VAV3: variants seen among roughly 807,000 people sequenced by gnomAD.
VAV3 encodes the protein vav guanine nucleotide exchange factor 3.
Under a neutral mutation model 131.2 loss-of-function variants are expected in VAV3, and 94 were observed. The observed-to-expected ratio is 0.72, with a 90% CI of 0.61 to 0.85. VAV3 has a LOEUF of 0.85. Among genes scored for constraint, VAV3 ranks in the 40% least tolerant of loss-of-function variants. VAV3 has a pLI of 0.00. For synonymous variants in VAV3, 349 were observed against 342.0 expected (o/e 1.02, Z -0.22); for missense variants, 939 against 1,002.7 (o/e 0.94, Z 0.86).
intron 2 of VAV3, among the ~76,000 whole-genome samples, chr1:107,860,766 T>G (rs1669701279): frequency 6.6e-6 from 1 of 151,634 alleles, no homozygotes; most frequent in Non-Finnish European, 1.5e-5. Context: ...CACAGTGGCG[T>G]GCACTTGCAG....
intron 2 of VAV3, among the ~76,000 whole-genome samples, chr1:107,866,461 A>G (rs1669990818): frequency 6.6e-6 from 1 of 152,178 alleles, no homozygotes; most frequent in Admixed American, 6.6e-5. Context: ...CACCTAGAAG[A>G]CAATTTCAAT....
At chr1:107,916,480 C>T (rs1442366189) in intron 1 of VAV3, among the ~76,000 whole-genome samples, 1 of 152,076 alleles carries the variant, frequency 6.6e-6, no homozygotes, top group Non-Finnish European at 1.5e-5. Flanking sequence ...CTAAAGTTAA[C>T]TAATATTTGA....
chr1:107,668,997 G>C (rs1271923533), intron 19 of VAV3: 2 of 998,978 alleles, frequency 2.0e-6, no homozygotes, highest in Non-Finnish European at 2.4e-6. Flanking sequence ...ATTTCTAAGG[G>C]AGTCAGCGCT....
At chr1:107,598,801 TACACAC>T (rs35317053) in intron 24 of VAV3, among the ~76,000 whole-genome samples, 9 of 149,864 alleles carry the variant, frequency 6.0e-5, no homozygotes, top group Admixed American at 5.3e-4. Flanking sequence ...GTCTCTGGAA[TACACAC>T]ACACACACAC....
chr1:107,823,641 C>A (rs1160935919), intron 2 of VAV3, among the ~76,000 whole-genome samples: 1 of 152,168 alleles, frequency 6.6e-6, no homozygotes, highest in Non-Finnish European at 1.5e-5. Flanking sequence ...TGTTAATGGA[C>A]CAAATGTTTG....
At chr1:107,724,715 C>T (rs1234360968) in intron 15 of VAV3, among the ~76,000 whole-genome samples, 2 of 151,730 alleles carry the variant, frequency 1.3e-5, no homozygotes, top group Non-Finnish European at 2.9e-5. Context: ...CAGCAGAGAA[C>T]AGATCCCGAG....
chr1:107,796,098 T>A (rs1666524420), intron 2 of VAV3, among the ~76,000 whole-genome samples: 1 of 151,878 alleles, frequency 6.6e-6, no homozygotes, highest in Non-Finnish European at 1.5e-5. Context: ...GTCCCTAGTA[T>A]CAAACAGTAT....
At chr1:107,759,625 T>C (rs1664306309) in intron 10 of VAV3, among the ~76,000 whole-genome samples, 1 of 152,188 alleles carries the variant, frequency 6.6e-6, no homozygotes, top group Non-Finnish European at 1.5e-5. Flanking sequence ...AAAGTCATCA[T>C]GGAACTAAAC....
chr1:107,819,619 G>A (rs1393701553), intron 2 of VAV3, among the ~76,000 whole-genome samples: 1 of 151,960 alleles, frequency 6.6e-6, no homozygotes, highest in Non-Finnish European at 1.5e-5. Context: ...TTTCAAAAAA[G>A]TGAAAATATA....
At chr1:107,778,167 T>C (rs1665471438) in intron 3 of VAV3, among the ~76,000 whole-genome samples, 1 of 152,232 alleles carries the variant, frequency 6.6e-6, no homozygotes, top group Non-Finnish European at 1.5e-5. Context: ...ACTAGTTATA[T>C]TAAAAGCAGA....
intron 1 of VAV3, among the ~76,000 whole-genome samples, chr1:107,936,439 T>C (rs1311076164): frequency 1.3e-5 from 2 of 152,162 alleles, no homozygotes; most frequent in Non-Finnish European, 2.9e-5. Context: ...AAATCTAAAA[T>C]CAAACACTAA....
At chr1:107,601,771 G>A (rs1330599411) in intron 24 of VAV3, among the ~76,000 whole-genome samples, 2 of 136,448 alleles carry the variant, frequency 1.5e-5, no homozygotes, top group Non-Finnish European at 3.3e-5. Context: ...GTATGAATAA[G>A]TTCTATTTTT....
intron 1 of VAV3, among the ~76,000 whole-genome samples, chr1:107,949,576 G>T (rs923794224): frequency 9.2e-5 from 14 of 152,074 alleles, no homozygotes; most frequent in African/African-American, 3.4e-4. Context: ...CAAAATGCTG[G>T]GATTATAGGC....
chr1:107,723,901 G>A (rs557610489), intron 15 of VAV3, among the ~76,000 whole-genome samples: 1 of 152,208 alleles, frequency 6.6e-6, no homozygotes, highest in African/African-American at 2.4e-5. Flanking sequence ...TCTGACATTG[G>A]ATAAATAGAG....
chr1:107,742,101 A>G (rs1663054628), intron 15 of VAV3, among the ~76,000 whole-genome samples: 1 of 152,234 alleles, frequency 6.6e-6, no homozygotes, highest in Admixed American at 6.5e-5. Flanking sequence ...CTGCTGGTAG[A>G]GAACATGTTT....
chr1:107,952,507 A>C (rs1674603978), intron 1 of VAV3, among the ~76,000 whole-genome samples: 1 of 124,614 alleles, frequency 8.0e-6, no homozygotes, highest in African/African-American at 3.2e-5. Flanking sequence ...TTCAACCTAA[A>C]AAAAGAAAGA....
intron 19 of VAV3, chr1:107,668,684 GA>G: frequency 1.0e-6 from 1 of 985,360 alleles, no homozygotes. Context: ...GTGGTCCCAG[GA>G]ACTATGTTTG....
At chr1:107,746,039 T>C (rs928983641) in intron 15 of VAV3, among the ~76,000 whole-genome samples, 8 of 152,186 alleles carry the variant, frequency 5.3e-5, no homozygotes, top group Non-Finnish European at 1.2e-4. Context: ...CTCCATGACT[T>C]ATCAAAAAGG....
intron 2 of VAV3, among the ~76,000 whole-genome samples, chr1:107,810,393 G>A (rs1316809006): frequency 6.6e-6 from 1 of 152,194 alleles, no homozygotes; most frequent in Non-Finnish European, 1.5e-5. Context: ...CCAGAAGAAA[G>A]TGAAGTTCTT....
Sources: gnomAD v4.1 joint callset for allele counts (sites outside exome capture counted in the v4.1 genomes callset) on GRCh38, gnomAD v4.1.1 for gene constraint, MANE v1.5 for transcripts, NCBI Gene and HGNC (gene_info 2026-07-23, HGNC 2026-07-21) for gene names.